The following DRAXIN variants were observed in gnomAD, a reference collection of about 807,000 sequenced individuals.
DRAXIN encodes the protein dorsal inhibitory axon guidance protein.
In DRAXIN, 27 loss-of-function variants were observed where a neutral mutation model predicts 33.9. The observed-to-expected ratio is 0.80, with a 90% CI of 0.59 to 1.10. The LOEUF is 1.10. Ranked by LOEUF, DRAXIN falls within the 50% of genes least tolerant of loss-of-function variation. DRAXIN has a pLI of 0.00. For missense variants in DRAXIN, 371 were observed against 460.8 expected (o/e 0.81, Z 1.78); for synonymous variants, 178 against 194.0 (o/e 0.92, Z 0.69).
rs910257625 is a variant in DRAXIN at position 11,720,939 on chromosome 1, C to G, written c.*1243C>G. The G allele has an allele frequency of 6.6e-6, 1 of 152,218 alleles. No individual in the cohort carries two copies. Among genetic ancestry groups the G allele is most frequent in the Non-Finnish European group, 1.5e-5 (1 of 68,036 alleles). The allele number at this position is 152,218 out of a possible 1,614,324, so 9.4% of individuals were successfully genotyped here. A position where few individuals can be genotyped will look rare whatever the true frequency, so the allele number is the denominator to read the frequency against. The stretch of plus-strand genomic sequence containing the variant: ...AAACAAAATACAACTTAAGCACATA[C>G]TTGCTTGCAGGAATAAGTTGGGCAG... On this transcript the variant is annotated 3_prime_UTR_variant, in exon 7 of 7. Coordinates refer to ENST00000294485, the MANE Select transcript of DRAXIN (RefSeq NM_198545.4).
intron 1 of DRAXIN, among the ~76,000 whole-genome samples, chr1:11,703,935 G>A (rs1570311366): frequency 6.6e-6 from 1 of 152,112 alleles, no homozygotes; most frequent in African/African-American, 2.4e-5. Context: ...GGGCAGGAGT[G>A]GGAGTTCATC....
intron 1 of DRAXIN, among the ~76,000 whole-genome samples, chr1:11,698,926 A>G (rs1315192344): frequency 6.6e-6 from 1 of 152,236 alleles, no homozygotes; most frequent in Admixed American, 6.5e-5. Flanking sequence ...TGATTCCTGC[A>G]TTCAACAAAA....
intron 6 of DRAXIN, among the ~76,000 whole-genome samples, chr1:11,717,241 C>T (rs1182110711): frequency 6.6e-6 from 1 of 152,062 alleles, no homozygotes. Context: ...CGAGATCCTG[C>T]CATTGCACTC....
Position 11,719,897 on chromosome 1 carries a change from C to G in DRAXIN, c.*201C>G. 1.7e-6 allele frequency: 1 copy of G among 572,204 alleles called. No individual in the cohort carries two copies. The highest frequency in any genetic ancestry group is 2.9e-5 in the Admixed American group (1 of 34,022). 35.4% of individuals were successfully genotyped at this position (572,204 alleles called of 1,614,324 possible). A position where few individuals can be genotyped will look rare whatever the true frequency, so the allele number is the denominator to read the frequency against. On this transcript the variant is annotated 3_prime_UTR_variant, in exon 7 of 7. Coordinates refer to ENST00000294485, the MANE Select transcript of DRAXIN (RefSeq NM_198545.4). ...GGAGCCGGCCCGCAGCACCTGCACA[C>G]ACGAAGTCCGGACCCACGCAGCCTC...
intron 1 of DRAXIN, among the ~76,000 whole-genome samples, chr1:11,695,282 A>C (rs1401078464): frequency 6.6e-6 from 1 of 152,122 alleles, no homozygotes; most frequent in East Asian, 1.9e-4. Context: ...CATCTGAAAA[A>C]TATTATCCAC....
Position 11,719,590 on chromosome 1 carries a change from G to T in DRAXIN, c.944G>T (p.Arg315Leu). The change falls in exon 7 of 7, where the codon CGC becomes CTC. Residue 315 changes from arginine (R) to leucine (L), a missense_variant. Transcript: ENST00000294485. ...FDDCMCVEGLRCYAKFHRNRR... is the reference protein window; with the variant it reads ...FDDCMCVEGLLCYAKFHRNRR... The stretch of plus-strand genomic sequence containing the variant: ...CTTGCCTCCACTCGCCCAGGGCTGC[G>T]CTGCTATGCCAAATTCCACCGGAAC... 6.2e-7 allele frequency: 1 copy of T among 1,612,098 alleles called. No individual in the cohort carries two copies. Among genetic ancestry groups the T allele is most frequent in the African/African-American group, 1.3e-5 (1 of 75,008 alleles).
Position 11,692,947 on chromosome 1 carries a change from AGGGAGGGGAG to A in DRAXIN, c.-11+1105_-11+1114del, listed in dbSNP as rs1342489666. 4.1e-5 allele frequency among the ~76,000 whole-genome samples: 5 copies of A among 120,788 alleles called. No individual in the cohort carries two copies. Among genetic ancestry groups the A allele is most frequent in the Non-Finnish European group, 6.9e-5 (4 of 57,714 alleles). The allele number at this position is 120,788 out of a possible 152,430, so 79.2% of individuals were successfully genotyped here. A position where few individuals can be genotyped will look rare whatever the true frequency, so the allele number is the denominator to read the frequency against. ...GCTGGTTCACACACCCTGTGGAGGAAGGGAGGGGAGGGGAGGGGAGTCTACAGACCTGGGA... is the reference window on the plus strand; with the variant it reads ...GCTGGTTCACACACCCTGTGGAGGAAGGGAGGGGAGTCTACAGACCTGGGA... On this transcript the variant is annotated intron_variant, in intron 1 of 6. Coordinates refer to ENST00000294485, the MANE Select transcript of DRAXIN (RefSeq NM_198545.4). The surrounding 1 kb of genome is among the most constrained non-coding windows in gnomAD (Gnocchi z 5.8).
chr1:11,687,092 G>T (rs1392412436), upstream of DRAXIN, among the ~76,000 whole-genome samples: 1 of 151,982 alleles, frequency 6.6e-6, no homozygotes, highest in Non-Finnish European at 1.5e-5. The surrounding 1 kb of genome is among the most constrained non-coding windows in gnomAD (Gnocchi z 4.1). Context: ...TGGAGACAGG[G>T]TCTCACTCTG....
intron 1 of DRAXIN, among the ~76,000 whole-genome samples, chr1:11,695,306 C>T (rs139709127): frequency 6.6e-6 from 1 of 152,254 alleles, no homozygotes; most frequent in Non-Finnish European, 1.5e-5. Context: ...AGGCCAGGTG[C>T]AGTGGCTTAT....
chr1:11,693,110 C>T (rs537800206), intron 1 of DRAXIN, among the ~76,000 whole-genome samples: 9 of 152,238 alleles, frequency 5.9e-5, no homozygotes, highest in Non-Finnish European at 1.2e-4. Flanking sequence ...TCCTCGTGCC[C>T]ATACAGGCGT....
intron 5 of DRAXIN, among the ~76,000 whole-genome samples, chr1:11,714,008 G>A (rs1296304633): frequency 1.3e-5 from 2 of 152,138 alleles, no homozygotes; most frequent in Non-Finnish European, 2.9e-5. Context: ...CTCTGACAGA[G>A]CGAGACTCTG....
At chr1:11,702,782 G>GC (rs1641317951) in intron 1 of DRAXIN, among the ~76,000 whole-genome samples, 4 of 145,414 alleles carry the variant, frequency 2.8e-5, no homozygotes, top group Admixed American at 2.1e-4. Context: ...TCTCTCTGTC[G>GC]CCCAGGTTGG....
Position 11,712,343 on chromosome 1 carries a change from A to G in DRAXIN, c.761A>G (p.Lys254Arg). 6.2e-7 allele frequency: 1 copy of G among 1,614,006 alleles called. No individual in the cohort carries two copies. Among genetic ancestry groups the G allele is most frequent in the East Asian group, 2.2e-5 (1 of 44,874 alleles). The change falls in exon 5 of 7, where the codon AAA (lysine) becomes AGA (arginine). Residue 254 changes from lysine to arginine, a missense_variant. By Grantham distance (26) the Lys-to-Arg change is conservative. Transcript: ENST00000294485. ...CGACAGATCTTCTTATCCCCAGAGA[A>G]ACACCGCGGTAAACTCTCCAGTGAT... ...DGWPSAKKKE[K>R]HRGKLSSDGN...
chr1:11,711,199 C>G (rs1430078097), intron 3 of DRAXIN, among the ~76,000 whole-genome samples: 1 of 152,226 alleles, frequency 6.6e-6, no homozygotes, highest in Non-Finnish European at 1.5e-5. Context: ...CTTGCACCCC[C>G]TTGAGATTGT....
intron 6 of DRAXIN, among the ~76,000 whole-genome samples, chr1:11,718,474 A>AT (rs1260331201): frequency 6.6e-5 from 10 of 151,848 alleles, no homozygotes; most frequent in African/African-American, 2.4e-4. Flanking sequence ...TTATTTTTTA[A>AT]TTTTTTTGAG....
At chr1:11,718,201 A>T (rs35744853) in intron 6 of DRAXIN, among the ~76,000 whole-genome samples, 21,013 of 148,800 alleles carry the variant, frequency 0.14, 1,820 homozygotes, top group Admixed American at 0.25. Context: ...CTGTAATCCC[A>T]GCTACTCGAG....
the DRAXIN span, among the ~76,000 whole-genome samples, chr1:11,686,639 G>T: frequency 3.3e-5 from 5 of 152,200 alleles, no homozygotes; most frequent in South Asian, 1.0e-3. Context: ...CTGACCCCAA[G>T]TGATGTGCCC....
At chr1:11,701,745 G>T (rs1641276964) in intron 1 of DRAXIN, among the ~76,000 whole-genome samples, 1 of 152,146 alleles carries the variant, frequency 6.6e-6, no homozygotes, top group Admixed American at 6.5e-5. Flanking sequence ...GCGGGGAGGC[G>T]GAGGGGGCTG....
rs145342374 is a variant in DRAXIN, at chr1:11,692,887, G to A, written c.-11+1034G>A. ...GGGATGGTGCTAGTCCCTACCTATAGGGATGTGTGTGGAAATTGTGGGGTG... is the reference window on the plus strand; with the variant it reads ...GGGATGGTGCTAGTCCCTACCTATAAGGATGTGTGTGGAAATTGTGGGGTG... On this transcript the variant is annotated intron_variant, in intron 1 of 6. Coordinates refer to ENST00000294485, the MANE Select transcript of DRAXIN (RefSeq NM_198545.4). The surrounding 1 kb of genome is among the most constrained non-coding windows in gnomAD (Gnocchi z 5.8). Among the ~76,000 whole-genome samples the A allele has an allele frequency of 1.3e-5, 2 of 152,140 alleles. No homozygotes were observed. The highest frequency in any genetic ancestry group is 3.9e-4 in the East Asian group (2 of 5,174).
Sources: allele counts gnomAD v4.1 joint callset (sites outside exome capture counted in the v4.1 genomes callset), GRCh38; gene constraint gnomAD v4.1.1; non-coding constraint Gnocchi (gnomAD v3.1); transcripts MANE v1.5; gene names NCBI Gene and HGNC (gene_info 2026-07-23, HGNC 2026-07-21).